Variants in CFAP77 observed in about 807,000 individuals in gnomAD.
CFAP77 encodes cilia and flagella associated protein 77.
A neutral mutation model predicts 31.1 loss-of-function variants in CFAP77; 25 were observed. That is an observed-to-expected ratio of 0.80 (90% CI 0.59 to 1.12). CFAP77 has a LOEUF of 1.12. Ranked by LOEUF, CFAP77 falls within the 50% of genes most tolerant of loss-of-function variation. The pLI, the probability that CFAP77 is intolerant of heterozygous loss-of-function variation, is 0.00. For missense variants in CFAP77, 377 were observed against 397.3 expected (o/e 0.95, Z 0.44); for synonymous variants, 151 against 159.9 (o/e 0.94, Z 0.42).
At chr9:132,559,416 A>C (rs994315893) in intron 5 of CFAP77, among the ~76,000 whole-genome samples, 7 of 151,632 alleles carry the variant, frequency 4.6e-5, no homozygotes, top group Admixed American at 1.3e-4. Context: ...ACAAATAAAC[A>C]CATGAAAAGA....
At chr9:132,546,320 C>G (rs1180723625) in intron 5 of CFAP77, among the ~76,000 whole-genome samples, 2 of 152,190 alleles carry the variant, frequency 1.3e-5, no homozygotes, top group East Asian at 3.9e-4. Context: ...GTGTCTGTCA[C>G]GTGTGAAGCC....
chr9:132,520,953 A>G (rs559711855), intron 3 of CFAP77, among the ~76,000 whole-genome samples: 51 of 152,348 alleles, frequency 3.3e-4, no homozygotes, highest in African/African-American at 1.2e-3. Flanking sequence ...TCAGTATCAC[A>G]CAGAAGCACA....
intron 1 of CFAP77, among the ~76,000 whole-genome samples, chr9:132,421,235 G>A (rs1850210592): frequency 1.3e-5 from 2 of 151,862 alleles, no homozygotes; most frequent in African/African-American, 4.8e-5. Flanking sequence ...TAGGTGATCC[G>A]CCCGGCTTGG....
intron 1 of CFAP77, among the ~76,000 whole-genome samples, chr9:132,427,077 A>G (rs1468533451): frequency 6.6e-6 from 1 of 152,234 alleles, no homozygotes; most frequent in Non-Finnish European, 1.5e-5. Flanking sequence ...CCATATAAGA[A>G]GCCTGCAGCT....
chr9:132,410,538 C>T, intron 1 of CFAP77, 72 bp downstream of exon 1: 4 of 1,332,382 alleles, frequency 3.0e-6, no homozygotes, highest in East Asian at 3.0e-5. Flanking sequence ...GGGTCCCCAC[C>T]CGCAGCGCCC....
In CFAP77 at chr9:132,498,926, C is replaced by T. The variant is rs887975010; in HGVS notation, c.295+132C>T. 2.5e-5 allele frequency: 17 copies of T among 667,290 alleles called. No individual in the cohort carries two copies. The highest frequency in any genetic ancestry group is 4.1e-5 in the Non-Finnish European group (16 of 389,134). 41.3% of individuals were successfully genotyped at this position (667,290 alleles called of 1,614,324 possible). ...GGAGAAAGACCCAGGGACCGCCAGC[C>T]TGGGCAGCTGACTGGTAAAACCCAG... On this transcript the variant is annotated intron_variant, in intron 2 of 5. Transcript: ENST00000393216. This position sits in a 1 kb window ranked among gnomAD's most constrained non-coding sequence, Gnocchi z 4.2.
chr9:132,519,519 G>GATGGGTGT (rs1852217581), intron 3 of CFAP77, among the ~76,000 whole-genome samples: 1 of 55,862 alleles, frequency 1.8e-5, no homozygotes, highest in Non-Finnish European at 3.6e-5. Flanking sequence ...TGGGTGGGTG[G>GATGGGTGT]GTAGATGGAT....
intron 1 of CFAP77, among the ~76,000 whole-genome samples, chr9:132,418,215 G>C (rs1850141677): frequency 6.6e-6 from 1 of 152,258 alleles, no homozygotes; most frequent in Admixed American, 6.5e-5. Context: ...AGGGAACACT[G>C]GGCCACGTCT....
intron 1 of CFAP77, among the ~76,000 whole-genome samples, chr9:132,438,842 A>C (rs117516010): frequency 0.027 from 4,091 of 148,768 alleles, 72 homozygotes; most frequent in Middle Eastern, 0.069. Context: ...ACCGGCCAAC[A>C]TTCTTTGTTT....
At chr9:132,413,797 C>T (rs1349745569) in intron 1 of CFAP77, among the ~76,000 whole-genome samples, 3 of 152,104 alleles carry the variant, frequency 2.0e-5, no homozygotes, top group African/African-American at 7.2e-5. Flanking sequence ...GAATCGAGCA[C>T]CCTTAGAAAG....
chr9:132,571,605 C>T (rs962891837), intron 5 of CFAP77, among the ~76,000 whole-genome samples: 1 of 152,156 alleles, frequency 6.6e-6, no homozygotes, highest in Non-Finnish European at 1.5e-5. Context: ...TGGATAGAAG[C>T]CCAGATGCAG....
At chr9:132,530,140 T>TC (rs1308618164) in intron 3 of CFAP77, among the ~76,000 whole-genome samples, 1 of 146,894 alleles carries the variant, frequency 6.8e-6, no homozygotes, top group East Asian at 1.9e-4. Context: ...TCTTTTCTTT[T>TC]TTTTTTTTTT....
At chr9:132,562,819 C>T (rs1229902552) in intron 5 of CFAP77, among the ~76,000 whole-genome samples, 2 of 152,012 alleles carry the variant, frequency 1.3e-5, no homozygotes, top group Non-Finnish European at 2.9e-5. Context: ...CCTGCCTCAG[C>T]CTCCTGAGTA....
At position 132,499,417 on chromosome 9, in the gene CFAP77, A is replaced by T; in HGVS notation, c.341A>T (p.His114Leu). ...TTCAAGCAGCAGCCCACCTGCCCCC[A>T]CGAGCTGACCCGGAATTATATCGCA... ...NVFKQQPTCPHELTRNYIAMN... is the reference protein window; with the variant it reads ...NVFKQQPTCPLELTRNYIAMN... The change falls in exon 3 of 6, where the codon CAC becomes CTC. Residue 114 changes from histidine (H) to leucine (L), a missense_variant. Physicochemically the swap from His to Leu is moderately conservative, Grantham distance 99. Transcript: ENST00000393216. This position sits in a 1 kb window ranked among gnomAD's most constrained non-coding sequence, Gnocchi z 5.4. 6.2e-7 allele frequency: 1 copy of T among 1,614,158 alleles called. No homozygotes were observed. The highest frequency in any genetic ancestry group is 1.7e-5 in the Admixed American group (1 of 60,020).
intron 5 of CFAP77, among the ~76,000 whole-genome samples, chr9:132,547,188 C>A (rs1215715830): frequency 6.6e-6 from 1 of 152,188 alleles, no homozygotes; most frequent in Non-Finnish European, 1.5e-5. Flanking sequence ...GCAAGGCCAG[C>A]AAGGAGTAAT....
chr9:132,548,495 G>C (rs368451153), intron 5 of CFAP77, among the ~76,000 whole-genome samples: 1 of 152,134 alleles, frequency 6.6e-6, no homozygotes, highest in African/African-American at 2.4e-5. Context: ...CCAAACGCTC[G>C]CACGCTGCTG....
rs1211341567 is a variant in CFAP77 at position 132,564,675 on chromosome 9, G to A, written c.733-7713G>A. The stretch of plus-strand genomic sequence containing the variant: ...AGAAAGATGAAAGGTAATTAGCTAA[G>A]CCAACGACTCTAGATGCTAGAAAAA... On this transcript the variant is annotated intron_variant, in intron 5 of 5. Coordinates refer to ENST00000393216, the MANE Select transcript of CFAP77 (RefSeq NM_001282957.2). This position sits in a 1 kb window ranked among gnomAD's most constrained non-coding sequence, Gnocchi z 4.6. Among the ~76,000 whole-genome samples the A allele has an allele frequency of 6.6e-6, 1 of 152,040 alleles. No individual in the cohort carries two copies. Among genetic ancestry groups the A allele is most frequent in the East Asian group, 1.9e-4 (1 of 5,162 alleles).
chr9:132,471,921 G>A (rs536815075), intron 1 of CFAP77, among the ~76,000 whole-genome samples: 2 of 152,000 alleles, frequency 1.3e-5, no homozygotes, highest in African/African-American at 4.8e-5. Context: ...TCACCATGTT[G>A]CCCAGGCTAG....
chr9:132,473,189 C>T (rs1041568004), intron 1 of CFAP77, among the ~76,000 whole-genome samples: 2 of 152,090 alleles, frequency 1.3e-5, no homozygotes, highest in East Asian at 1.9e-4. Context: ...CCCTAAGGGA[C>T]GCATTAATCT....
Sources: gnomAD v4.1 joint callset for allele counts (sites outside exome capture counted in the v4.1 genomes callset) on GRCh38, gnomAD v4.1.1 for gene constraint, Gnocchi (gnomAD v3.1) non-coding constraint, MANE v1.5 for transcripts, NCBI Gene and HGNC (gene_info 2026-07-23, HGNC 2026-07-21) for gene names.